Variants in GPR161 observed in about 807,000 individuals in gnomAD.
The protein encoded by GPR161 is G protein-coupled receptor 161, also known as G-protein coupled receptor RE2.
Under a neutral mutation model 39.2 loss-of-function variants are expected in GPR161, and 25 were observed. That is an observed-to-expected ratio of 0.64 (90% CI 0.47 to 0.89). The LOEUF (loss-of-function observed/expected upper bound fraction) is 0.89, where lower values mean the gene tolerates loss of function less well. GPR161 is among the 40% of genes least tolerant of loss of function. GPR161 has a pLI of 0.00. For missense variants in GPR161, 547 were observed against 677.8 expected, an observed-to-expected ratio of 0.81 and a Z score of 2.14; for synonymous variants, 286 against 276.6, an observed-to-expected ratio of 1.03 and a Z score of -0.34.
rs780248683 is a variant in GPR161 at position 168,104,842 on chromosome 1, G to A, written c.9C>T (p.Leu3=). Residue 3 remains leucine, a synonymous_variant, in exon 2 of 6, where the codon CTC becomes CTT. Transcript: ENST00000682931. MS[L]NSSLSCRKEL... is the part of the protein sequence containing the mutation. ...CCTTCCTGCAGCTGAGGGAGGAGTT[G>A]AGGCTCATGGTCAGTGCACCTCGGC... 6.2e-7 allele frequency: 1 copy of A among 1,613,818 alleles called. No homozygotes were observed.
At chr1:168,096,473 C>T (rs756525651) in intron 3 of GPR161, 35 bp downstream of exon 3, 3 of 1,589,584 alleles carry the variant, frequency 1.9e-6, no homozygotes, top group African/African-American at 2.7e-5. Context: ...ATTTCATCTG[C>T]CTCGGAGGGG....
intron 1 of GPR161, among the ~76,000 whole-genome samples, chr1:168,120,785 C>CT (rs1698103059): frequency 6.6e-6 from 1 of 152,140 alleles, no homozygotes. Context: ...TGCTCACTCT[C>CT]TCCTGCTGCC....
At position 168,108,486 on chromosome 1, in the gene GPR161, T is replaced by TAAAAAAAAAAAAAAAAA. The variant is rs10670498; in HGVS notation, c.-44-3609_-44-3593dup. Among the ~76,000 whole-genome samples, 79 of 17,464 alleles carry TAAAAAAAAAAAAAAAAA rather than the reference T, an allele frequency of 4.5e-3. 11 individuals carry two copies. Among genetic ancestry groups the TAAAAAAAAAAAAAAAAA allele is most frequent in the Non-Finnish European group, 5.3e-3 (60 of 11,366 alleles). 11.5% of individuals were successfully genotyped at this position (17,464 alleles called of 152,430 possible). A position where few individuals can be genotyped will look rare whatever the true frequency, so the allele number is the denominator to read the frequency against. ...ATTTTATCCACTGAGGCCCTAGTTG[T>TAAAAAAAAAAAAAAAAA]AAAAAAAAAAAAAAAAAAAAAAAAA... On this transcript the variant is annotated intron_variant, in intron 1 of 5. Transcript: ENST00000682931.
Position 168,085,735 on chromosome 1 carries a change from G to C in GPR161, c.1386C>G (p.Tyr462Ter). The stretch of plus-strand genomic sequence containing the variant: ...CAATGGCTTTGGCCAAGCTTGCTGC[G>C]TAACTGTCCAAGGACTTGTGTACTT... ...KAEVHKSLDS[Y>*]AASLAKAIEA... The change falls in exon 6 of 6, where the codon TAC becomes TAG. Residue 462 changes from tyrosine to a stop codon, truncating the protein, a stop_gained. Transcript: ENST00000682931. LOFTEE classifies it high-confidence loss of function. 1.2e-6 allele frequency: 2 copies of C among 1,614,094 alleles called. No individual in the cohort carries two copies. The highest frequency in any genetic ancestry group is 8.5e-7 in the Non-Finnish European group (1 of 1,179,926).
chr1:168,131,588 A>G (rs999824090), intron 1 of GPR161, among the ~76,000 whole-genome samples: 4 of 152,182 alleles, frequency 2.6e-5, no homozygotes, highest in African/African-American at 4.8e-5. Flanking sequence ...GAAATTTAAA[A>G]TATTTTTAAA....
intron 1 of GPR161, among the ~76,000 whole-genome samples, chr1:168,127,781 A>G (rs1698700014): frequency 6.6e-6 from 1 of 152,210 alleles, no homozygotes. Context: ...GGTTCCTCCC[A>G]TGACACATGG....
intron 1 of GPR161, chr1:168,136,003 C>T (rs1699328931): frequency 1.6e-6 from 2 of 1,220,978 alleles, no homozygotes; most frequent in Non-Finnish European, 2.0e-6. Flanking sequence ...GGACACACCC[C>T]ACTTACCCAA....
chr1:168,124,849 T>A (rs911810584), intron 1 of GPR161, among the ~76,000 whole-genome samples: 2 of 152,130 alleles, frequency 1.3e-5, no homozygotes, highest in Admixed American at 6.6e-5. Context: ...TTGCTCTCCC[T>A]CTCCCTCTCA....
intron 1 of GPR161, 66 bp from the exon 2 acceptor site, chr1:168,104,960 G>A (rs1035082385): frequency 1.5e-6 from 2 of 1,294,880 alleles, no homozygotes; most frequent in Non-Finnish European, 2.2e-6. Context: ...CTCCACCTTA[G>A]GGAAGAAAGG....
At chr1:168,106,285 A>G (rs536884901) in intron 1 of GPR161, among the ~76,000 whole-genome samples, 2 of 152,312 alleles carry the variant, frequency 1.3e-5, no homozygotes, top group East Asian at 3.9e-4. Context: ...TATTCACTCT[A>G]AGAATACATT....
chr1:168,099,759 G>A (rs2102151953), intron 2 of GPR161, among the ~76,000 whole-genome samples: 1 of 145,636 alleles, frequency 6.9e-6, no homozygotes, highest in South Asian at 2.2e-4. Flanking sequence ...CCTACAGGCA[G>A]AAAAGCCCCA....
intron 1 of GPR161, among the ~76,000 whole-genome samples, chr1:168,128,238 T>A (rs910008): frequency 0.26 from 39,948 of 151,900 alleles, 5,755 homozygotes; most frequent in African/African-American, 0.38. Context: ...TCTGAAAATA[T>A]CCAAGCAGTA....
chr1:168,114,274 G>T (rs576132946), intron 1 of GPR161, among the ~76,000 whole-genome samples: 1 of 152,224 alleles, frequency 6.6e-6, no homozygotes, highest in African/African-American at 2.4e-5. Flanking sequence ...AAGACTGTGT[G>T]GCCTAGTGGT....
chr1:168,103,332 A>G (rs1007430562), intron 2 of GPR161, among the ~76,000 whole-genome samples: 3 of 152,134 alleles, frequency 2.0e-5, no homozygotes, highest in Non-Finnish European at 4.4e-5. Context: ...GGAAGCAAAT[A>G]TACTAAAAAC....
At chr1:168,086,020 A>G (rs1572231990) in intron 5 of GPR161, among the ~76,000 whole-genome samples, 1 of 152,214 alleles carries the variant, frequency 6.6e-6, no homozygotes, top group East Asian at 1.9e-4. Flanking sequence ...TCATCTGTAA[A>G]GAGAAGATAT....
At position 168,134,747 on chromosome 1, in the gene GPR161, C is replaced by A. The variant is rs186198399; in HGVS notation, c.-45+1992G>T. On this transcript the variant is annotated intron_variant, in intron 1 of 5. Transcript: ENST00000682931. ...TTCCCCCAAAACTAAGATCAGGCAA[C>A]CATGTGCTGGAGCCCCACCGCACCT... 2.6e-3 allele frequency among the ~76,000 whole-genome samples: 403 copies of A among 152,316 alleles called. 1 individual carries two copies. The highest frequency in any genetic ancestry group is 9.5e-3 in the African/African-American group (396 of 41,566).
At chr1:168,136,594 G>A (rs1352602657) in intron 1 of GPR161, 145 bp downstream of exon 1, 22 of 1,233,238 alleles carry the variant, frequency 1.8e-5, no homozygotes, top group South Asian at 3.9e-5. Context: ...AGAGGGGCGC[G>A]GGGAGAAAGG....
At chr1:168,087,426 C>T (rs1177433282) in intron 5 of GPR161, among the ~76,000 whole-genome samples, 159 bp downstream of exon 5, 4 of 152,100 alleles carry the variant, frequency 2.6e-5, no homozygotes, top group Non-Finnish European at 4.4e-5. Flanking sequence ...TGCCTAAGGA[C>T]TCAGGTGAGA....
intron 1 of GPR161, among the ~76,000 whole-genome samples, chr1:168,121,572 G>T (rs1321270769): frequency 6.6e-6 from 1 of 152,146 alleles, no homozygotes; most frequent in African/African-American, 2.4e-5. Flanking sequence ...CAGGACTCAT[G>T]ATGAAGACAG....
Sources: allele counts gnomAD v4.1 joint callset (sites outside exome capture counted in the v4.1 genomes callset), GRCh38; gene constraint gnomAD v4.1.1; transcripts MANE v1.5; gene names NCBI Gene and HGNC (gene_info 2026-07-23, HGNC 2026-07-21).